The following CFAP52 variants were observed in gnomAD, a reference collection of about 807,000 sequenced individuals.
CFAP52 encodes the protein cilia- and flagella-associated protein 52.
A neutral mutation model predicts 70.5 loss-of-function variants in CFAP52; 57 were observed. That is an observed-to-expected ratio of 0.81 (90% CI 0.65 to 1.01). The LOEUF (loss-of-function observed/expected upper bound fraction) is 1.01, where lower values mean the gene tolerates loss of function less well. CFAP52 is among the 50% of genes least tolerant of loss of function. The probability of loss-of-function intolerance (pLI) is 0.00; values close to 1 mark genes in which losing one functional copy is unlikely to be tolerated. For missense variants in CFAP52, 785 were observed against 788.5 expected, an observed-to-expected ratio of 1.00 and a Z score of 0.05; for synonymous variants, 267 against 292.5, an observed-to-expected ratio of 0.91 and a Z score of 0.89.
chr17:9,595,044 A>G (rs1174671991), intron 4 of CFAP52, among the ~76,000 whole-genome samples: 1 of 151,890 alleles, frequency 6.6e-6, no homozygotes, highest in Non-Finnish European at 1.5e-5. Flanking sequence ...GTGCCCGCCA[A>G]CACACCCGGC....
chr17:9,612,437 C>G lies in CFAP52; in HGVS notation c.983C>G (p.Ala328Gly). 2 of 1,614,112 alleles carry G rather than the reference C, an allele frequency of 1.2e-6. No homozygotes were observed. Among genetic ancestry groups the G allele is most frequent in the Non-Finnish European group, 1.7e-6 (2 of 1,180,026 alleles). The change falls in exon 8 of 14, where the codon GCG (alanine) becomes GGG (glycine). Residue 328 changes from alanine (A) to glycine (G), a missense_variant. Ala to Gly is a moderately conservative substitution (Grantham distance 60, BLOSUM62 0). Transcript: ENST00000352665. ...SFTDFKETLI[A>G]TCHFDAVEDI... ...ACGGATTTCAAAGAGACGCTCATAG[C>G]GACTTGTCACTTTGATGCTGTCGAG...
At position 9,577,903 on chromosome 17, in the gene CFAP52, C is replaced by T. The variant is rs183930211; in HGVS notation, c.70+1138C>T. On this transcript the variant is annotated intron_variant, in intron 1 of 13. Transcript: ENST00000352665. ...GGTCAGGAGTTCGAGACCATCCTGTCCAACATGGTGAAATCCCATCTATAC... is the reference window on the plus strand; with the variant it reads ...GGTCAGGAGTTCGAGACCATCCTGTTCAACATGGTGAAATCCCATCTATAC... Among the ~76,000 whole-genome samples the T allele has an allele frequency of 3.9e-3, 592 of 152,184 alleles. 3 individuals carry two copies. Among genetic ancestry groups the T allele is most frequent in the Non-Finnish European group, 6.7e-3 (457 of 67,994 alleles).
At chr17:9,627,973 A>C (rs1038857001) in intron 8 of CFAP52, among the ~76,000 whole-genome samples, 2 of 152,100 alleles carry the variant, frequency 1.3e-5, no homozygotes, top group Non-Finnish European at 2.9e-5. Context: ...AAGTCATGGG[A>C]TCCTCCTTTC....
intron 11 of CFAP52, among the ~76,000 whole-genome samples, chr17:9,636,357 C>T (rs940716172): frequency 8.5e-5 from 13 of 152,138 alleles, no homozygotes; most frequent in African/African-American, 2.9e-4. Context: ...GTGGGACATA[C>T]ATTTGCCTTT....
At chr17:9,640,907 G>T (rs1911025883) in intron 12 of CFAP52, among the ~76,000 whole-genome samples, 1 of 152,160 alleles carries the variant, frequency 6.6e-6, no homozygotes, top group Admixed American at 6.5e-5. Flanking sequence ...GCTTCCCAAA[G>T]TGCTGGGATT....
intron 2 of CFAP52, among the ~76,000 whole-genome samples, chr17:9,586,437 C>A (rs918847180): frequency 4.6e-5 from 7 of 151,982 alleles, no homozygotes; most frequent in African/African-American, 7.3e-5. Context: ...CTGGTGCATG[C>A]CTGTAATCCC....
chr17:9,595,918 G>A (rs907672440), intron 4 of CFAP52, among the ~76,000 whole-genome samples: 26 of 149,966 alleles, frequency 1.7e-4, no homozygotes, highest in Admixed American at 4.0e-4. Context: ...AGTTCAGTAC[G>A]TTTAAAATAT....
At chr17:9,585,698 T>G (rs1250765094) in intron 1 of CFAP52, 75 bp from the exon 2 acceptor site, 2 of 1,405,916 alleles carry the variant, frequency 1.4e-6, no homozygotes, top group African/African-American at 2.8e-5. Flanking sequence ...CAAAGTGTTG[T>G]GTTTTGTACT....
intron 12 of CFAP52, among the ~76,000 whole-genome samples, chr17:9,639,650 A>T (rs142776056): frequency 6.6e-6 from 1 of 152,298 alleles, no homozygotes; most frequent in Non-Finnish European, 1.5e-5. Flanking sequence ...ACAAGTGAAC[A>T]AGAGATGAGA....
intron 5 of CFAP52, among the ~76,000 whole-genome samples, chr17:9,599,854 AC>A (rs1012772509): frequency 6.6e-6 from 1 of 151,574 alleles, no homozygotes; most frequent in African/African-American, 2.4e-5. Context: ...CGATTCTCCT[AC>A]CTCAGCCTCC....
At chr17:9,611,840 G>A (rs956537153) in intron 7 of CFAP52, among the ~76,000 whole-genome samples, 1 of 152,252 alleles carries the variant, frequency 6.6e-6, no homozygotes, top group Admixed American at 6.5e-5. Context: ...ATGTTCCATA[G>A]ATCATTTAAC....
chr17:9,628,244 C>A (rs554902386), intron 8 of CFAP52, among the ~76,000 whole-genome samples: 1 of 151,722 alleles, frequency 6.6e-6, no homozygotes, highest in South Asian at 2.1e-4. Context: ...AGACAATCAT[C>A]AAGGCTTCAG....
At chr17:9,614,909 C>G (rs1025845901) in intron 8 of CFAP52, among the ~76,000 whole-genome samples, 3 of 152,160 alleles carry the variant, frequency 2.0e-5, no homozygotes, top group African/African-American at 7.2e-5. Context: ...ACTACTGATG[C>G]AATTTTGTAA....
In CFAP52 at chr17:9,600,169, G is replaced by A; in HGVS notation, c.739G>A (p.Asp247Asn). The change falls in exon 6 of 14, where the codon GAC becomes AAC. Residue 247 changes from aspartate (D) to asparagine (N), a missense_variant. Asp to Asn is a conservative substitution (Grantham distance 23). Transcript: ENST00000352665. ...GCTGACAGATGTTGGGCCTGCGAAG[G>A]ACAAATTCAGTTTGGTGAGTAGAGA... The part of the protein sequence containing the change: ...KLLTDVGPAK[D>N]KFSLGVSAIR... 1 of 1,613,860 alleles carries A rather than the reference G, an allele frequency of 6.2e-7. No homozygotes were observed. Among genetic ancestry groups the A allele is most frequent in the South Asian group, 1.1e-5 (1 of 91,062 alleles).
At chr17:9,578,820 A>G (rs1415205793) in intron 1 of CFAP52, among the ~76,000 whole-genome samples, 1 of 152,222 alleles carries the variant, frequency 6.6e-6, no homozygotes, top group African/African-American at 2.4e-5. Flanking sequence ...TGCTGGGATT[A>G]CAGGCTTGAG....
chr17:9,635,420 A>T lies in CFAP52; in HGVS notation c.1336A>T (p.Ile446Leu). 6.2e-7 allele frequency: 1 copy of T among 1,614,134 alleles called. No individual in the cohort carries two copies. Among genetic ancestry groups the T allele is most frequent in the South Asian group, 1.1e-5 (1 of 91,078 alleles). The change falls in exon 11 of 14, where the codon ATA becomes TTA. Residue 446 changes from isoleucine to leucine, a missense_variant. Coordinates refer to ENST00000352665, the MANE Select transcript of CFAP52 (RefSeq NM_145054.5). ...GGEGEVRVWQ[I>L]GCQTQKLEEA... Reference sequence around the variant, plus strand: ...TGGCTTTCAGGTGAGGGTATGGCAGATAGGCTGTCAGACCCAGAAGCTGGA... The same window carrying T: ...TGGCTTTCAGGTGAGGGTATGGCAGTTAGGCTGTCAGACCCAGAAGCTGGA...
intron 10 of CFAP52, among the ~76,000 whole-genome samples, chr17:9,635,053 T>C (rs1910711647): frequency 6.6e-6 from 1 of 152,154 alleles, no homozygotes; most frequent in African/African-American, 2.4e-5. Context: ...ACCAGAAATT[T>C]GAGAGCAGTG....
At chr17:9,638,355 T>C (rs1910900768) in intron 11 of CFAP52, among the ~76,000 whole-genome samples, 1 of 152,136 alleles carries the variant, frequency 6.6e-6, no homozygotes, top group African/African-American at 2.4e-5. Flanking sequence ...GCTCTGTCTT[T>C]AGGAAAGGGC....
intron 3 of CFAP52, among the ~76,000 whole-genome samples, chr17:9,591,238 A>G (rs1157128147): frequency 6.6e-6 from 1 of 151,486 alleles, no homozygotes; most frequent in African/African-American, 2.4e-5. Context: ...GGGTCTCTTC[A>G]TGTTGGTCAG....
Sources: allele counts gnomAD v4.1 joint callset (sites outside exome capture counted in the v4.1 genomes callset), GRCh38; gene constraint gnomAD v4.1.1; transcripts MANE v1.5; gene names NCBI Gene and HGNC (gene_info 2026-07-23, HGNC 2026-07-21).